Variants in KIF9 observed in about 807,000 individuals in gnomAD.
The protein encoded by KIF9 is kinesin-like protein KIF9.
Under a neutral mutation model 94.8 loss-of-function variants are expected in KIF9, and 68 were observed. That is an observed-to-expected ratio of 0.72 (90% CI 0.59 to 0.88). The LOEUF is 0.88. KIF9 is among the 40% of genes least tolerant of loss of function. KIF9 has a pLI of 0.00. For synonymous variants in KIF9, 343 were observed against 362.1 expected (o/e 0.95, Z 0.60); for missense variants, 882 against 982.5 (o/e 0.90, Z 1.37).
chr3:47,267,486 T>C (rs1317320277), intron 5 of KIF9, among the ~76,000 whole-genome samples: 1 of 152,246 alleles, frequency 6.6e-6, no homozygotes, highest in Non-Finnish European at 1.5e-5. Flanking sequence ...TTGGTATAGC[T>C]TTCTGGAAAG....
At position 47,244,803 on chromosome 3, in the gene KIF9, T is replaced by C. The variant is rs369153866; in HGVS notation, c.1502A>G (p.Lys501Arg). 55 of 1,613,876 alleles carry C rather than the reference T, an allele frequency of 3.4e-5. No individual in the cohort carries two copies. The highest frequency in any genetic ancestry group is 4.3e-5 in the Non-Finnish European group (51 of 1,180,034). ...GKKAKSKKTF[K>R]EPLSSLARKE... ...CAAGGTCACTCACCTGAGTGGCTCT[T>C]TGAATGTCTTCTTGGACTTGGCTTT... Residue 501 changes from lysine to arginine, a missense_variant, in exon 15 of 21, where the codon AAA (lysine) becomes AGA (arginine). Coordinates refer to ENST00000684063, the MANE Select transcript of KIF9 (RefSeq NM_182902.4).
chr3:47,241,215 C>A (rs1699453843), intron 16 of KIF9, among the ~76,000 whole-genome samples, 200 bp from the exon 17 acceptor site: 1 of 152,050 alleles, frequency 6.6e-6, no homozygotes, highest in Admixed American at 6.6e-5. Context: ...AGGACATATG[C>A]CCATGGCAGA....
At chr3:47,245,231 C>T (rs1015122826) in intron 14 of KIF9, 190 bp downstream of exon 14, 59 of 620,128 alleles carry the variant, frequency 9.5e-5, no homozygotes, top group Non-Finnish European at 1.3e-4. Flanking sequence ...CATGTCTCTA[C>T]CTTATGGAAA....
chr3:47,262,742 G>T (rs1158190143), intron 9 of KIF9, among the ~76,000 whole-genome samples: 1 of 152,184 alleles, frequency 6.6e-6, no homozygotes, highest in Non-Finnish European at 1.5e-5. Flanking sequence ...AATGCACACA[G>T]CTGCGAGACC....
At chr3:47,239,741 C>T in intron 17 of KIF9, 2 of 1,295,378 alleles carry the variant, frequency 1.5e-6, no homozygotes, top group Non-Finnish European at 1.0e-6. Flanking sequence ...GTGTGTGCCA[C>T]CACGCCCTGC....
rs547156946 is a variant in KIF9 at position 47,234,039 on chromosome 3, C to T, written c.2322+1474G>A. 2.0e-5 allele frequency among the ~76,000 whole-genome samples: 3 copies of T among 151,294 alleles called. No homozygotes were observed. The South Asian group carries it at 6.3e-4, about 32-fold the overall frequency. ...TGGAGGTTGCAGTGAGGTGAGGACA[C>T]GCCATTGCACTCCAGCCTGGGCAAT... On this transcript the variant is annotated intron_variant, in intron 20 of 20. Coordinates refer to ENST00000684063, the MANE Select transcript of KIF9 (RefSeq NM_182902.4).
At position 47,240,990 on chromosome 3, in the gene KIF9, C is replaced by G. The variant is rs1419517173; in HGVS notation, c.1735G>C (p.Val579Leu). The G allele has an allele frequency of 6.2e-7, 1 of 1,614,142 alleles. No individual in the cohort carries two copies. Among genetic ancestry groups the G allele is most frequent in the Admixed American group, 1.7e-5 (1 of 60,020 alleles). The change falls in exon 17 of 21, where the codon GTG becomes CTG. Residue 579 changes from valine to leucine, a missense_variant. Val to Leu is a conservative substitution (Grantham distance 32, BLOSUM62 1). Transcript: ENST00000684063. Reference protein sequence around the residue: ...IRPDTPPSKPVAFEEFKNEQG... With the variant: ...IRPDTPPSKPLAFEEFKNEQG... ...TCATTCTTAAACTCCTCAAAGGCCA[C>G]TGGTTTGGAGGGTGGGGTGTCGGGC...
At chr3:47,258,301 A>G (rs1399333061) in intron 9 of KIF9, among the ~76,000 whole-genome samples, 1 of 152,170 alleles carries the variant, frequency 6.6e-6, no homozygotes, top group Non-Finnish European at 1.5e-5. Flanking sequence ...GTTGGAGTGC[A>G]GTGGCACAGT....
At chr3:47,271,561 A>G (rs566627282) in intron 4 of KIF9, 100 bp from the exon 5 acceptor site, 2 of 811,426 alleles carry the variant, frequency 2.5e-6, no homozygotes, top group Admixed American at 4.0e-5. Context: ...CAAGATGTAT[A>G]GAATAATTAT....
chr3:47,280,231 AGCTTGGGGAACC>A (rs1264436004), intron 1 of KIF9, among the ~76,000 whole-genome samples: 1 of 152,184 alleles, frequency 6.6e-6, no homozygotes, highest in African/African-American at 2.4e-5. Flanking sequence ...CAATTTCTAA[AGCTTGGGGAACC>A]GGGGAACCAC....
intron 20 of KIF9, among the ~76,000 whole-genome samples, chr3:47,230,707 G>A (rs1698502562): frequency 6.7e-6 from 1 of 150,308 alleles, no homozygotes; most frequent in African/African-American, 2.5e-5. Context: ...CTCCAGCCTA[G>A]GTGACAGAGG....
intron 20 of KIF9, among the ~76,000 whole-genome samples, chr3:47,234,745 A>G (rs924877396): frequency 6.7e-6 from 1 of 149,510 alleles, no homozygotes; most frequent in African/African-American, 2.5e-5. Context: ...TAGTAGAGAC[A>G]GGGTTTCATC....
Position 47,273,642 on chromosome 3 carries a change from A to G in KIF9, c.276T>C (p.Tyr92=), listed in dbSNP as rs770003033. 3.1e-6 allele frequency: 5 copies of G among 1,613,988 alleles called. No individual in the cohort carries two copies. In the South Asian group the frequency reaches 3.3e-5, roughly 11 times the overall value. Residue 92 remains tyrosine (Y), a synonymous_variant, in exon 4 of 21, where the codon TAT becomes TAC. Coordinates refer to ENST00000684063, the MANE Select transcript of KIF9 (RefSeq NM_182902.4). ...ATGTCTTGCCAGCTCCCGTCTGCCCATAACACATGATGGTGCCTGCAAACA... is the reference window on the plus strand; with the variant it reads ...ATGTCTTGCCAGCTCCCGTCTGCCCGTAACACATGATGGTGCCTGCAAACA... ...LDGYNGTIMC[Y]GQTGAGKTYT...
intron 20 of KIF9, among the ~76,000 whole-genome samples, chr3:47,230,193 G>C (rs919061863): frequency 6.6e-6 from 1 of 151,034 alleles, no homozygotes; most frequent in African/African-American, 2.4e-5. Context: ...TGAGATGATT[G>C]CTTGAGCCCA....
chr3:47,247,228 C>T (rs1465916517), intron 12 of KIF9, 145 bp downstream of exon 12: 3 of 577,674 alleles, frequency 5.2e-6, no homozygotes, highest in Non-Finnish European at 9.7e-6. Context: ...CTGAAGGGAC[C>T]CTGACATCAA....
At chr3:47,264,047 G>A in intron 9 of KIF9, 1 of 567,066 alleles carries the variant, frequency 1.8e-6, no homozygotes, top group South Asian at 1.6e-5. Flanking sequence ...TCCTCACACA[G>A]TCTCCCATGC....
chr3:47,242,440 G>T (rs1195934787), intron 16 of KIF9, among the ~76,000 whole-genome samples: 1 of 152,174 alleles, frequency 6.6e-6, no homozygotes, highest in African/African-American at 2.4e-5. Flanking sequence ...TGGGAGGATG[G>T]TTGGTGTACA....
intron 10 of KIF9, among the ~76,000 whole-genome samples, chr3:47,254,107 G>C (rs1029544108): frequency 2.6e-5 from 4 of 152,172 alleles, no homozygotes; most frequent in African/African-American, 9.7e-5. Flanking sequence ...AGATCTCTTT[G>C]AGCATGGATT....
In KIF9 at chr3:47,273,548, C is replaced by T. The variant is rs770833032; in HGVS notation, c.366+4G>A. The stretch of plus-strand genomic sequence containing the variant: ...GGCATCCCACCCTTGGGCCCACTCT[C>T]TACCTGCTGCAGGGCACGAGGGAGG... On this transcript the variant is annotated splice_donor_region_variant and intron_variant, in intron 4 of 20. Transcript: ENST00000684063. The T allele has an allele frequency of 1.0e-4, 167 of 1,594,410 alleles. 1 individual carries two copies. The Admixed American group carries it at 2.8e-3, about 27-fold the overall frequency.
Sources: gnomAD v4.1 joint callset for allele counts (sites outside exome capture counted in the v4.1 genomes callset) on GRCh38, gnomAD v4.1.1 for gene constraint, MANE v1.5 for transcripts, NCBI Gene and HGNC (gene_info 2026-07-23, HGNC 2026-07-21) for gene names.